The following ELF1 variants were observed in gnomAD, a reference collection of about 807,000 sequenced individuals.
ELF1 encodes the protein E74 like ETS transcription factor 1.
Under a neutral mutation model 59.9 loss-of-function variants are expected in ELF1, and 24 were observed. That is an observed-to-expected ratio of 0.40 (90% CI 0.29 to 0.56). The LOEUF (loss-of-function observed/expected upper bound fraction) is 0.56, where lower values mean the gene tolerates loss of function less well. ELF1 is among the 20% of genes least tolerant of loss of function. The pLI, the probability that ELF1 is intolerant of heterozygous loss-of-function variation, is 0.44. For synonymous variants in ELF1, 248 were observed against 266.2 expected (o/e 0.93, Z 0.67); for missense variants, 627 against 742.2 (o/e 0.84, Z 1.80).
At chr13:41,003,194 C>A (rs1009436731) in intron 1 of ELF1, among the ~76,000 whole-genome samples, 6 of 152,128 alleles carry the variant, frequency 3.9e-5, no homozygotes, top group East Asian at 1.9e-4. Context: ...TTTTTCTGAT[C>A]CAAACTCAGA....
At chr13:41,000,993 CT>C (rs1750910650) in intron 1 of ELF1, among the ~76,000 whole-genome samples, 2 of 125,858 alleles carry the variant, frequency 1.6e-5, no homozygotes, top group African/African-American at 3.3e-5. Context: ...TTTTTTTTTT[CT>C]GAGACAGAGT....
intron 1 of ELF1, among the ~76,000 whole-genome samples, chr13:41,043,231 A>T (rs1876698304): frequency 6.6e-6 from 1 of 152,142 alleles, no homozygotes; most frequent in South Asian, 2.1e-4. Flanking sequence ...TAGATTGCAA[A>T]AATATTCTCC....
chr13:40,933,333 C>T lies in ELF1; in HGVS notation c.*92G>A, dbSNP rs1869532213. On this transcript the variant is annotated 3_prime_UTR_variant, in exon 9 of 9. Transcript: ENST00000239882. Reference sequence around the variant, plus strand: ...TTTTTAACAATTACAAAATTAGAAACCTCCTTAGAATTTATCTTAGAATCA... The same window carrying T: ...TTTTTAACAATTACAAAATTAGAAATCTCCTTAGAATTTATCTTAGAATCA... 1.9e-5 allele frequency: 28 copies of T among 1,460,522 alleles called. No individual in the cohort carries two copies. The South Asian group carries it at 4.1e-4, about 21-fold the overall frequency. 90.5% of individuals were successfully genotyped at this position (1,460,522 alleles called of 1,614,324 possible).
At chr13:40,951,221 A>G (rs1350585969) in intron 4 of ELF1, 108 bp downstream of exon 4, 1 of 901,384 alleles carries the variant, frequency 1.1e-6, no homozygotes, top group African/African-American at 1.7e-5. Context: ...ATGTGATTGT[A>G]ACAAAAAATA....
At chr13:41,019,440 TA>T, upstream of ELF1, 3 of 980,520 alleles carry the variant, frequency 3.1e-6, no homozygotes, top group Non-Finnish European at 3.6e-6. Flanking sequence ...AATCTGCAGG[TA>T]AAAACGGTAT....
intron 2 of ELF1, among the ~76,000 whole-genome samples, chr13:40,971,405 GCAC>G (rs1872542135): frequency 6.6e-6 from 1 of 151,984 alleles, no homozygotes. Flanking sequence ...CCACAGGCAG[GCAC>G]CACAACACCC....
At chr13:40,996,924 A>T (rs893513516) in intron 1 of ELF1, among the ~76,000 whole-genome samples, 1 of 152,110 alleles carries the variant, frequency 6.6e-6, no homozygotes, top group African/African-American at 2.4e-5. Context: ...GCCCTGCCTT[A>T]ATCTCACCAA....
At chr13:41,001,099 C>T (rs1874409035) in intron 1 of ELF1, among the ~76,000 whole-genome samples, 1 of 151,830 alleles carries the variant, frequency 6.6e-6, no homozygotes. Context: ...GCCTCAGCCT[C>T]CCAACTAGCT....
intron 1 of ELF1, chr13:40,993,389 G>T: frequency 1.2e-6 from 1 of 854,238 alleles, no homozygotes; most frequent in Admixed American, 2.0e-5. Flanking sequence ...TGCACCGATG[G>T]GTCTGGGGGG....
intron 8 of ELF1, among the ~76,000 whole-genome samples, chr13:40,940,549 A>G (rs116242879): frequency 1.6e-3 from 236 of 152,232 alleles, no homozygotes; most frequent in African/African-American, 5.4e-3. Flanking sequence ...TTGGAACTCT[A>G]TGCACTCTCA....
chr13:41,055,858 T>A (rs922734427), intron 1 of ELF1, among the ~76,000 whole-genome samples: 6 of 150,384 alleles, frequency 4.0e-5, no homozygotes, highest in African/African-American at 1.5e-4. Flanking sequence ...TAATTTTTGT[T>A]TTTTTTTTTC....
In ELF1 at chr13:40,997,360, C is replaced by T. The variant is rs532356049; in HGVS notation, c.-228-15078G>A. Among the ~76,000 whole-genome samples the T allele has an allele frequency of 1.5e-3, 225 of 152,072 alleles. 1 individual carries two copies. Among genetic ancestry groups the T allele is most frequent in the Non-Finnish European group, 2.8e-3 (190 of 67,980 alleles). On this transcript the variant is annotated intron_variant, in intron 1 of 8. Coordinates refer to ENST00000239882, the MANE Select transcript of ELF1 (RefSeq NM_172373.4). The stretch of plus-strand genomic sequence containing the variant: ...GCAACCTCCACCTCCTAGGTTCAAG[C>T]GATTCTTCTGCCTCTGCCTCCCGAG...
intron 1 of ELF1, among the ~76,000 whole-genome samples, chr13:40,990,807 G>A (rs1873810082): frequency 2.2e-5 from 3 of 134,068 alleles, no homozygotes; most frequent in Non-Finnish European, 4.6e-5. Context: ...AGCTGAGATC[G>A]CACCACTGCA....
chr13:41,046,481 T>C (rs1421454157), intron 1 of ELF1, among the ~76,000 whole-genome samples: 6 of 152,220 alleles, frequency 3.9e-5, no homozygotes, highest in Non-Finnish European at 8.8e-5. Flanking sequence ...GCAGGCCTGG[T>C]GGTGACAAAA....
At chr13:40,964,070 G>A (rs1204907381) in intron 2 of ELF1, among the ~76,000 whole-genome samples, 1 of 152,130 alleles carries the variant, frequency 6.6e-6, no homozygotes, top group Non-Finnish European at 1.5e-5. Flanking sequence ...TCCAGCTGCT[G>A]ATCTGGGCTC....
intron 1 of ELF1, chr13:40,982,905 G>A (rs1187706010): frequency 1.1e-5 from 11 of 984,280 alleles, no homozygotes; most frequent in Admixed American, 6.2e-5. Flanking sequence ...GCACTGAAAT[G>A]TATCCTTATC....
chr13:41,023,665 C>A (rs1200904428), upstream of ELF1, among the ~76,000 whole-genome samples: 1 of 152,218 alleles, frequency 6.6e-6, no homozygotes, highest in African/African-American at 2.4e-5. Context: ...AATCCTCTTT[C>A]CCACTTCTGC....
chr13:40,932,352 A>C lies in ELF1; in HGVS notation c.*1073T>G, dbSNP rs978434877. The C allele has an allele frequency of 6.7e-6, 1 of 148,302 alleles. No individual in the cohort carries two copies. Among genetic ancestry groups the C allele is most frequent in the Non-Finnish European group, 1.5e-5 (1 of 67,490 alleles). The allele number at this position is 148,302 out of a possible 1,614,324, so 9.2% of individuals were successfully genotyped here. On this transcript the variant is annotated 3_prime_UTR_variant, in exon 9 of 9. Transcript: ENST00000239882. ...CCCCCCAAGTCCGCCCCCAGTAAAAAATGATCCAAAATATAAAGCAATTAT... is the reference window on the plus strand; with the variant it reads ...CCCCCCAAGTCCGCCCCCAGTAAAACATGATCCAAAATATAAAGCAATTAT...
chr13:41,052,779 A>T (rs1361367666), intron 1 of ELF1, among the ~76,000 whole-genome samples: 2 of 152,160 alleles, frequency 1.3e-5, no homozygotes, highest in African/African-American at 2.4e-5. Flanking sequence ...CTTTTCTTAA[A>T]CTGTATCTAA....
Sources: gnomAD v4.1 joint callset for allele counts (sites outside exome capture counted in the v4.1 genomes callset) on GRCh38, gnomAD v4.1.1 for gene constraint, MANE v1.5 for transcripts, NCBI Gene and HGNC (gene_info 2026-07-23, HGNC 2026-07-21) for gene names.